Variants in DIAPH3 observed in about 807,000 individuals in gnomAD.
DIAPH3 encodes the protein diaphanous related formin 3, also known as protein diaphanous homolog 3.
A neutral mutation model predicts 144.3 loss-of-function variants in DIAPH3; 117 were observed. That is an observed-to-expected ratio of 0.81 (90% CI 0.70 to 0.95). DIAPH3 has a LOEUF of 0.95. DIAPH3 is among the 40% of genes least tolerant of loss of function. The probability of loss-of-function intolerance (pLI) is 0.00; values close to 1 mark genes in which losing one functional copy is unlikely to be tolerated. For missense variants in DIAPH3, 1,421 were observed against 1,412.7 expected (o/e 1.01, Z -0.09); for synonymous variants, 519 against 488.9 (o/e 1.06, Z -0.81).
intron 20 of DIAPH3, among the ~76,000 whole-genome samples, chr13:59,896,310 T>G (rs2046094160): frequency 6.6e-6 from 1 of 152,234 alleles, no homozygotes; most frequent in African/African-American, 2.4e-5. Flanking sequence ...ATTACTTGTC[T>G]GCTCTATAGT....
chr13:60,001,808 T>G (rs905803678), intron 9 of DIAPH3, among the ~76,000 whole-genome samples: 1 of 152,322 alleles, frequency 6.6e-6, no homozygotes, highest in South Asian at 2.1e-4. Context: ...TCTCTCCAAA[T>G]GGAAGCTATG....
At chr13:60,068,907 T>C (rs182685809) in intron 4 of DIAPH3, among the ~76,000 whole-genome samples, 1 of 150,066 alleles carries the variant, frequency 6.7e-6, no homozygotes, top group Admixed American at 6.7e-5. Flanking sequence ...GTATTTAGGT[T>C]AATTCCATGT....
intron 20 of DIAPH3, among the ~76,000 whole-genome samples, chr13:59,888,436 T>C (rs2045583856): frequency 6.6e-6 from 1 of 152,140 alleles, no homozygotes; most frequent in Non-Finnish European, 1.5e-5. Context: ...GCAGCCAAAA[T>C]AGACCAAGAC....
intron 3 of DIAPH3, among the ~76,000 whole-genome samples, chr13:60,110,205 T>C (rs907902874): frequency 1.3e-5 from 2 of 152,200 alleles, no homozygotes; most frequent in African/African-American, 4.8e-5. Flanking sequence ...ATACCTTTGA[T>C]AATGATAAAT....
intron 20 of DIAPH3, among the ~76,000 whole-genome samples, chr13:59,902,076 C>T (rs1266169427): frequency 2.0e-5 from 3 of 152,168 alleles, no homozygotes; most frequent in Admixed American, 2.0e-4. Context: ...ATGAATGTCA[C>T]TATATTTGGT....
chr13:60,065,249 TTATTA>T, intron 4 of DIAPH3, among the ~76,000 whole-genome samples: 1 of 114,612 alleles, frequency 8.7e-6, no homozygotes, highest in East Asian at 2.1e-4. Flanking sequence ...GTCCTTTAAT[TTATTA>T]AAAAAAAAAA....
chr13:59,789,625 C>T (rs1056312511), intron 25 of DIAPH3, among the ~76,000 whole-genome samples: 2 of 152,006 alleles, frequency 1.3e-5, no homozygotes, highest in African/African-American at 4.8e-5. Context: ...CTTGAGGCCA[C>T]GAGGAGCCAG....
intron 25 of DIAPH3, among the ~76,000 whole-genome samples, chr13:59,800,504 G>A (rs2039849495): frequency 1.3e-5 from 2 of 152,112 alleles, no homozygotes; most frequent in African/African-American, 4.8e-5. Context: ...TATTTTCTGG[G>A]CAGAGAAGAA....
At chr13:59,722,344 G>A (rs2035386768) in intron 27 of DIAPH3, among the ~76,000 whole-genome samples, 1 of 152,138 alleles carries the variant, frequency 6.6e-6, no homozygotes, top group Non-Finnish European at 1.5e-5. Context: ...ATGTATCCTG[G>A]TTATGGTGGA....
At chr13:59,968,045 A>G (rs375723721) in intron 17 of DIAPH3, among the ~76,000 whole-genome samples, 4 of 152,228 alleles carry the variant, frequency 2.6e-5, no homozygotes, top group East Asian at 3.9e-4. Context: ...AATATGGAGT[A>G]TGCAAAAAAT....
chr13:59,866,847 T>C (rs1236761438), intron 21 of DIAPH3, among the ~76,000 whole-genome samples: 1 of 151,892 alleles, frequency 6.6e-6, no homozygotes, highest in African/African-American at 2.4e-5. Context: ...TGAAAATGAA[T>C]GTATGAAGAC....
At chr13:60,088,747 G>C (rs1214888739) in intron 4 of DIAPH3, among the ~76,000 whole-genome samples, 1 of 152,070 alleles carries the variant, frequency 6.6e-6, no homozygotes, top group Non-Finnish European at 1.5e-5. Flanking sequence ...TCAGCCTCCT[G>C]AATAGCTGGG....
chr13:59,820,180 G>A (rs1412491596), intron 24 of DIAPH3, among the ~76,000 whole-genome samples: 1 of 151,862 alleles, frequency 6.6e-6, no homozygotes, highest in African/African-American at 2.4e-5. Context: ...TCAAACATAT[G>A]GGGGAGTGCC....
At chr13:59,975,752 T>C (rs969811220) in intron 14 of DIAPH3, among the ~76,000 whole-genome samples, 4 of 152,024 alleles carry the variant, frequency 2.6e-5, no homozygotes, top group African/African-American at 4.8e-5. Context: ...GACTACTGAT[T>C]CTCTCAGTCT....
chr13:59,862,470 G>A (rs960207006), intron 21 of DIAPH3, among the ~76,000 whole-genome samples: 7 of 152,126 alleles, frequency 4.6e-5, no homozygotes, highest in South Asian at 4.1e-4. Context: ...AATCAGGCAG[G>A]GAAAGAGGGC....
intron 11 of DIAPH3, among the ~76,000 whole-genome samples, 169 bp downstream of exon 11, chr13:59,991,899 T>C (rs1374383900): frequency 6.6e-6 from 1 of 152,064 alleles, no homozygotes; most frequent in Non-Finnish European, 1.5e-5. Flanking sequence ...TACATATATG[T>C]GTATTCATAA....
chr13:59,857,721 T>A (rs2043338076), intron 22 of DIAPH3, among the ~76,000 whole-genome samples: 1 of 152,022 alleles, frequency 6.6e-6, no homozygotes, highest in Admixed American at 6.6e-5. Flanking sequence ...AATACACAAA[T>A]TTAGGTGAGG....
At chr13:60,111,214 A>G (rs1329958323) in intron 3 of DIAPH3, among the ~76,000 whole-genome samples, 17 of 152,206 alleles carry the variant, frequency 1.1e-4, no homozygotes, top group Admixed American at 1.1e-3. Context: ...TATAGGCCTC[A>G]TTAACAGAGG....
chr13:59,879,670 C>T (rs1257911697), intron 20 of DIAPH3, among the ~76,000 whole-genome samples: 2 of 152,072 alleles, frequency 1.3e-5, no homozygotes, highest in Non-Finnish European at 2.9e-5. Flanking sequence ...CCCAAATTAA[C>T]AATTTAGATG....
Sources: allele counts gnomAD v4.1 joint callset (sites outside exome capture counted in the v4.1 genomes callset), GRCh38; gene constraint gnomAD v4.1.1; transcripts MANE v1.5; gene names NCBI Gene and HGNC (gene_info 2026-07-23, HGNC 2026-07-21).